Variants in PRKACA observed in about 807,000 individuals in gnomAD.
PRKACA encodes cAMP-dependent protein kinase catalytic subunit alpha.
A neutral mutation model predicts 45.8 loss-of-function variants in PRKACA; 9 were observed. That is an observed-to-expected ratio of 0.20 (90% CI 0.12 to 0.34). The LOEUF is 0.34. PRKACA is among the 10% of genes least tolerant of loss of function. The pLI is 1.00. For missense variants in PRKACA, 238 were observed against 458.6 expected (o/e 0.52, Z 4.39); for synonymous variants, 160 against 178.6 (o/e 0.90, Z 0.83).
In PRKACA at chr19:14,091,864, G is replaced by T. The variant is rs1477324925; in HGVS notation, c.*1248C>A. On this transcript the variant is annotated 3_prime_UTR_variant, in exon 10 of 10. Transcript: ENST00000308677. Reference sequence around the variant, plus strand: ...GGGATGGGGAGAAGTTATGAGAGGGGGAAATACGGGGATGAATGGGGTGGC... The same window carrying T: ...GGGATGGGGAGAAGTTATGAGAGGGTGAAATACGGGGATGAATGGGGTGGC... 1 of 152,400 alleles carries T rather than the reference G, an allele frequency of 6.6e-6. No homozygotes were observed. The highest frequency in any genetic ancestry group is 1.5e-5 in the Non-Finnish European group (1 of 68,072). The allele number at this position is 152,400 out of a possible 1,614,324, so 9.4% of individuals were successfully genotyped here.
intron 3 of PRKACA, among the ~76,000 whole-genome samples, chr19:14,103,478 G>A (rs1461163083): frequency 1.3e-5 from 2 of 152,184 alleles, no homozygotes; most frequent in Admixed American, 6.5e-5. Context: ...CAGGATAGAA[G>A]CCCTAGAGGC....
chr19:14,093,862 C>A, intron 8 of PRKACA, 70 bp from the exon 9 acceptor site: 1 of 1,470,196 alleles, frequency 6.8e-7, no homozygotes. Context: ...ATGCTTCTTT[C>A]TCCATCCAAC....
chr19:14,110,649 G>C (rs1449463016), intron 1 of PRKACA, among the ~76,000 whole-genome samples: 1 of 152,174 alleles, frequency 6.6e-6, no homozygotes, highest in Non-Finnish European at 1.5e-5. Context: ...TAAATGCGCA[G>C]CCTGACAGAT....
At chr19:14,112,189 G>C (rs926991932) in intron 1 of PRKACA, 1 of 152,356 alleles carries the variant, frequency 6.6e-6, no homozygotes, top group East Asian at 1.9e-4. Context: ...AGGGATGATG[G>C]GGGGGAGGGG....
intron 1 of PRKACA, among the ~76,000 whole-genome samples, chr19:14,109,995 TATATACACACACAC>T (rs1303307724): frequency 1.0e-4 from 8 of 79,618 alleles, no homozygotes; most frequent in Non-Finnish European, 1.3e-4. Flanking sequence ...TATATATATA[TATATACACACACAC>T]ACACACACAC....
At chr19:14,106,978 A>G in intron 2 of PRKACA, 90 bp from the exon 3 acceptor site, 3 of 1,534,522 alleles carry the variant, frequency 2.0e-6, no homozygotes, top group Non-Finnish European at 2.6e-6. Context: ...CCACCGGCAG[A>G]GGGGGCCCCG....
intron 1 of PRKACA, among the ~76,000 whole-genome samples, chr19:14,116,918 T>C (rs1967119106): frequency 7.1e-6 from 1 of 140,902 alleles, no homozygotes; most frequent in African/African-American, 2.7e-5. Flanking sequence ...AAAATAATGC[T>C]GGAGGTGGCT....
At chr19:14,103,524 A>G (rs1466897353) in intron 3 of PRKACA, among the ~76,000 whole-genome samples, 1 of 152,198 alleles carries the variant, frequency 6.6e-6, no homozygotes, top group Non-Finnish European at 1.5e-5. Flanking sequence ...AAGACCAGAC[A>G]CAGAGGGGAG....
At chr19:14,115,124 G>A (rs1281798186) in intron 1 of PRKACA, 1 of 985,176 alleles carries the variant, frequency 1.0e-6, no homozygotes, top group East Asian at 1.1e-4. Context: ...CTGGGAGGAA[G>A]TACAGCTTCG....
rs572141063 is a variant in PRKACA, at chr19:14,116,448, C to G, written c.46+1054G>C. Among the ~76,000 whole-genome samples the G allele has an allele frequency of 5.3e-5, 8 of 152,252 alleles. No homozygotes were observed. The South Asian group carries it at 1.7e-3, about 32-fold the overall frequency. On this transcript the variant is annotated intron_variant, in intron 1 of 9. Coordinates refer to ENST00000308677, the MANE Select transcript of PRKACA (RefSeq NM_002730.4). Reference sequence around the variant, plus strand: ...GTCACCCATTACTCTCTTTGACTGCCTCCTCCTCCCCAGTGCTCTTTCTGA... The same window carrying G: ...GTCACCCATTACTCTCTTTGACTGCGTCCTCCTCCCCAGTGCTCTTTCTGA...
intron 1 of PRKACA, chr19:14,114,026 A>G: frequency 2.3e-6 from 3 of 1,305,948 alleles, no homozygotes; most frequent in Non-Finnish European, 3.3e-6. Flanking sequence ...CCAGGGGTTC[A>G]CATCCTTCTT....
At chr19:14,098,641 G>A (rs1163703845) in intron 5 of PRKACA, among the ~76,000 whole-genome samples, 1 of 151,478 alleles carries the variant, frequency 6.6e-6, no homozygotes, top group Non-Finnish European at 1.5e-5. Context: ...GATTACAGGT[G>A]TGCACCACCA....
chr19:14,092,952 C>T lies in PRKACA; in HGVS notation c.*160G>A, dbSNP rs1977126145. 1.0e-5 allele frequency: 9 copies of T among 883,568 alleles called. No individual in the cohort carries two copies. Among genetic ancestry groups the T allele is most frequent in the Non-Finnish European group, 9.7e-6 (6 of 618,432 alleles). 54.7% of individuals were successfully genotyped at this position (883,568 alleles called of 1,614,324 possible). A position where few individuals can be genotyped will look rare whatever the true frequency, so the allele number is the denominator to read the frequency against. On this transcript the variant is annotated 3_prime_UTR_variant, in exon 10 of 10. Coordinates refer to ENST00000308677, the MANE Select transcript of PRKACA (RefSeq NM_002730.4). ...CTGGTGTTTCTGTCCCTCTGATTAT[C>T]TGGGCTTCCTGCTCCCCCTAACCCT...
chr19:14,092,765 T>A lies in PRKACA; in HGVS notation c.*347A>T, dbSNP rs1977118847. ...CGTGAGCCCCTCTTTCCATACCCTG[T>A]CCCTGGATACACCAGCAAGACCTGG... On this transcript the variant is annotated 3_prime_UTR_variant, in exon 10 of 10. Coordinates refer to ENST00000308677, the MANE Select transcript of PRKACA (RefSeq NM_002730.4). 6.9e-6 allele frequency: 3 copies of A among 436,416 alleles called. No individual in the cohort carries two copies. The highest frequency in any genetic ancestry group is 4.0e-5 in the African/African-American group (2 of 50,228). 27.0% of individuals were successfully genotyped at this position (436,416 alleles called of 1,614,324 possible).
At chr19:14,093,866 A>C in intron 8 of PRKACA, 74 bp from the exon 9 acceptor site, 6 of 1,457,572 alleles carry the variant, frequency 4.1e-6, no homozygotes, top group Non-Finnish European at 5.6e-6. Flanking sequence ...TTCTTTCTCC[A>C]TCCAACGGTC....
chr19:14,108,813 C>T (rs1204786854), intron 1 of PRKACA, among the ~76,000 whole-genome samples: 4 of 150,812 alleles, frequency 2.7e-5, no homozygotes, highest in African/African-American at 4.9e-5. Flanking sequence ...CTGCAACCTC[C>T]GCCTCCCAGG....
intron 1 of PRKACA, among the ~76,000 whole-genome samples, chr19:14,114,773 G>A (rs1967073595): frequency 6.6e-6 from 1 of 152,114 alleles, no homozygotes. Context: ...CCATCTTTGG[G>A]TGTAGATTCC....
intron 9 of PRKACA, among the ~76,000 whole-genome samples, 170 bp downstream of exon 9, chr19:14,093,458 T>C (rs534209786): frequency 1.1e-4 from 16 of 152,326 alleles, no homozygotes; most frequent in East Asian, 7.7e-4. Context: ...CACAAGGTCA[T>C]GGAATGGCCA....
intron 8 of PRKACA, 150 bp from the exon 9 acceptor site, chr19:14,093,942 A>G: frequency 1.3e-6 from 1 of 760,350 alleles, no homozygotes. Flanking sequence ...CCTTGAGCCT[A>G]CCCTACAGTT....
Sources: gnomAD v4.1 joint callset for allele counts (sites outside exome capture counted in the v4.1 genomes callset) on GRCh38, gnomAD v4.1.1 for gene constraint, MANE v1.5 for transcripts, NCBI Gene and HGNC (gene_info 2026-07-23, HGNC 2026-07-21) for gene names.